ENOX1: variants seen among roughly 807,000 people sequenced by gnomAD.
The protein encoded by ENOX1 is candidate growth-related and time keeping constitutive hydroquinone (NADH) oxidase.
In ENOX1, 42 loss-of-function variants were observed where a neutral mutation model predicts 82.5. The ratio of observed to expected loss-of-function variants is 0.51; its 90% CI spans 0.40 to 0.66. The LOEUF is 0.66. ENOX1 is among the 30% of genes least tolerant of loss of function. The probability of loss-of-function intolerance (pLI) is 0.00; values close to 1 mark genes in which losing one functional copy is unlikely to be tolerated. For missense variants in ENOX1, 608 were observed against 811.6 expected (o/e 0.75, Z 3.05); for synonymous variants, 271 against 282.2 (o/e 0.96, Z 0.40).
intron 14 of ENOX1, among the ~76,000 whole-genome samples, chr13:43,247,124 T>C (rs1185574491): frequency 6.6e-6 from 1 of 152,068 alleles, no homozygotes; most frequent in African/African-American, 2.4e-5. Context: ...GAGACCAGCC[T>C]GACCAATACG....
intron 1 of ENOX1, among the ~76,000 whole-genome samples, chr13:43,720,016 A>G (rs1398213888): frequency 6.6e-6 from 1 of 152,190 alleles, no homozygotes; most frequent in Admixed American, 6.5e-5. Flanking sequence ...TTCAAGATGT[A>G]TATCTTTAAC....
At chr13:43,770,898 T>C (rs1197105276) in intron 1 of ENOX1, among the ~76,000 whole-genome samples, 3 of 152,118 alleles carry the variant, frequency 2.0e-5, no homozygotes, top group African/African-American at 7.2e-5. Flanking sequence ...TGTCTGTCTC[T>C]AGTGTGAAAT....
At chr13:43,633,592 T>G (rs1047259155) in intron 2 of ENOX1, among the ~76,000 whole-genome samples, 1 of 152,042 alleles carries the variant, frequency 6.6e-6, no homozygotes, top group Non-Finnish European at 1.5e-5. Flanking sequence ...TGTATAATAA[T>G]ATGGGGAAAA....
chr13:43,339,931 G>T lies in ENOX1; in HGVS notation c.1036+4607C>A, dbSNP rs750052953. Among the ~76,000 whole-genome samples, 70 of 152,310 alleles carry T rather than the reference G, an allele frequency of 4.6e-4. 1 individual carries two copies. Among genetic ancestry groups the T allele is most frequent in the Middle Eastern group, 6.8e-3 (2 of 294 alleles). ...TCTGCTTTTGGAAAATGCAGCAAGT[G>T]TGTCAGTCACTGAGGACTTTAGCAG... On this transcript the variant is annotated intron_variant, in intron 9 of 16. Coordinates refer to ENST00000690772, the MANE Select transcript of ENOX1 (RefSeq NM_001347969.2).
chr13:43,616,470 G>A (rs1276945157), intron 2 of ENOX1, among the ~76,000 whole-genome samples: 3 of 151,156 alleles, frequency 2.0e-5, no homozygotes, highest in Non-Finnish European at 2.9e-5. Context: ...CCAAAGTGCT[G>A]GGGTTACAGA....
intron 16 of ENOX1, 131 bp downstream of exon 16, chr13:43,223,922 C>G: frequency 1.6e-6 from 1 of 606,458 alleles, no homozygotes; most frequent in Non-Finnish European, 2.9e-6. Flanking sequence ...GAGGTCCTTG[C>G]AAAAGAGAAG....
chr13:43,466,620 TACA>T (rs2057735941), intron 3 of ENOX1, among the ~76,000 whole-genome samples: 1 of 149,290 alleles, frequency 6.7e-6, no homozygotes, highest in East Asian at 1.9e-4. Flanking sequence ...AATTATAGAG[TACA>T]ACTTTATTTT....
chr13:43,282,959 C>G (rs1303047009), intron 12 of ENOX1, among the ~76,000 whole-genome samples: 1 of 151,882 alleles, frequency 6.6e-6, no homozygotes. Context: ...GGGCATGCAC[C>G]TGTAGTCCCA....
At chr13:43,491,111 C>CT (rs1356488053) in intron 2 of ENOX1, among the ~76,000 whole-genome samples, 2 of 152,152 alleles carry the variant, frequency 1.3e-5, no homozygotes, top group Non-Finnish European at 2.9e-5. Flanking sequence ...AAGAAGCTTA[C>CT]TATCATGGTG....
At chr13:43,585,802 C>T (rs1028714042) in intron 2 of ENOX1, among the ~76,000 whole-genome samples, 7 of 152,194 alleles carry the variant, frequency 4.6e-5, no homozygotes, top group Non-Finnish European at 8.8e-5. Context: ...TGGTCTCGAA[C>T]TCCTGACCTC....
chr13:43,572,572 T>C (rs1158604104), intron 2 of ENOX1, among the ~76,000 whole-genome samples: 1 of 152,240 alleles, frequency 6.6e-6, no homozygotes, highest in Admixed American at 6.5e-5. Context: ...CAGACCAAAG[T>C]GGAAAAAGCA....
chr13:43,417,980 G>A (rs778437487), intron 3 of ENOX1, among the ~76,000 whole-genome samples: 15 of 152,054 alleles, frequency 9.9e-5, no homozygotes, highest in Admixed American at 2.6e-4. Flanking sequence ...AGGCCGAGGC[G>A]GGTGGATCAT....
At chr13:43,421,428 G>A (rs766852639) in intron 3 of ENOX1, among the ~76,000 whole-genome samples, 1 of 152,192 alleles carries the variant, frequency 6.6e-6, no homozygotes, top group Non-Finnish European at 1.5e-5. Flanking sequence ...ATCACAAGTT[G>A]TAAGGAGCTT....
At chr13:43,765,789 T>C (rs1951226554) in intron 1 of ENOX1, among the ~76,000 whole-genome samples, 2 of 152,310 alleles carry the variant, frequency 1.3e-5, no homozygotes, top group Admixed American at 6.5e-5. Flanking sequence ...TCAGAAATCA[T>C]AGTGATCCAA....
At chr13:43,332,064 A>G (rs2048439098) in intron 9 of ENOX1, among the ~76,000 whole-genome samples, 1 of 152,198 alleles carries the variant, frequency 6.6e-6, no homozygotes, top group African/African-American at 2.4e-5. Flanking sequence ...TTGTGAGTCC[A>G]TTACAGCCCA....
At chr13:43,510,553 T>C (rs1412162113) in intron 2 of ENOX1, among the ~76,000 whole-genome samples, 1 of 152,048 alleles carries the variant, frequency 6.6e-6, no homozygotes, top group East Asian at 1.9e-4. Flanking sequence ...ATAATCCAAT[T>C]CCTGTTGGGG....
chr13:43,606,186 G>T (rs2081968245), intron 2 of ENOX1, among the ~76,000 whole-genome samples: 1 of 152,112 alleles, frequency 6.6e-6, no homozygotes, highest in African/African-American at 2.4e-5. Context: ...GTGAAAAAAA[G>T]GGAACACTTG....
chr13:43,608,599 A>T (rs1218158223), intron 2 of ENOX1, among the ~76,000 whole-genome samples: 1 of 152,154 alleles, frequency 6.6e-6, no homozygotes, highest in African/African-American at 2.4e-5. Flanking sequence ...GCTCAGGGCT[A>T]CTGGTCATAG....
chr13:43,755,495 A>C (rs1950601115), intron 1 of ENOX1, among the ~76,000 whole-genome samples: 1 of 152,006 alleles, frequency 6.6e-6, no homozygotes, highest in Non-Finnish European at 1.5e-5. Flanking sequence ...TCTCTCACTC[A>C]CTCTAAATAA....
Sources: gnomAD v4.1 joint callset for allele counts (sites outside exome capture counted in the v4.1 genomes callset) on GRCh38, gnomAD v4.1.1 for gene constraint, MANE v1.5 for transcripts, NCBI Gene and HGNC (gene_info 2026-07-23, HGNC 2026-07-21) for gene names.